Variants in SEMA3D observed in about 807,000 individuals in gnomAD.
SEMA3D encodes semaphorin-3D.
A neutral mutation model predicts 100.1 loss-of-function variants in SEMA3D; 84 were observed. The ratio of observed to expected loss-of-function variants is 0.84; its 90% CI spans 0.70 to 1.01. The LOEUF (loss-of-function observed/expected upper bound fraction) is 1.01. SEMA3D is among the 50% of genes least tolerant of loss of function. The pLI, the probability that SEMA3D is intolerant of heterozygous loss-of-function variation, is 0.00. For synonymous variants in SEMA3D, 312 were observed against 320.7 expected (o/e 0.97, Z 0.29); for missense variants, 875 against 934.1 (o/e 0.94, Z 0.82).
At chr7:85,097,376 T>C (rs865958045) in intron 4 of SEMA3D, among the ~76,000 whole-genome samples, 1 of 151,828 alleles carries the variant, frequency 6.6e-6, no homozygotes, top group Non-Finnish European at 1.5e-5. Context: ...TTTGTTATTA[T>C]AGCCACATTA....
At chr7:85,219,778 G>A in the SEMA3D span, among the ~76,000 whole-genome samples, 1 of 151,976 alleles carries the variant, frequency 6.6e-6, no homozygotes, top group Non-Finnish European at 1.5e-5. Context: ...TACACGCAAA[G>A]TATGTTATTT....
chr7:85,072,902 G>A, intron 6 of SEMA3D, 60 bp downstream of exon 6: 9 of 1,366,178 alleles, frequency 6.6e-6, no homozygotes, highest in Non-Finnish European at 9.1e-6. Flanking sequence ...TTATGTCATA[G>A]GAATTAAGTA....
chr7:85,250,022 G>T, the SEMA3D span, among the ~76,000 whole-genome samples: 2 of 152,092 alleles, frequency 1.3e-5, no homozygotes, highest in Non-Finnish European at 2.9e-5. Flanking sequence ...CACCGTGCAC[G>T]AGCCAAAGCA....
At chr7:85,198,921 T>A in the SEMA3D span, among the ~76,000 whole-genome samples, 1 of 151,674 alleles carries the variant, frequency 6.6e-6, no homozygotes, top group Admixed American at 6.6e-5. Flanking sequence ...TTTGTATTAC[T>A]AAAAATGTAA....
chr7:85,013,690 A>G (rs549458307), intron 16 of SEMA3D, among the ~76,000 whole-genome samples: 2 of 151,902 alleles, frequency 1.3e-5, no homozygotes, highest in South Asian at 4.1e-4. Flanking sequence ...GACAAGATTC[A>G]TCCATTATAC....
intron 1 of SEMA3D, chr7:85,163,221 G>A (rs1213194850): frequency 6.6e-6 from 1 of 152,258 alleles, no homozygotes; most frequent in Non-Finnish European, 1.5e-5. Context: ...ATTCTATCTT[G>A]ACAGCTTAGT....
At chr7:85,190,304 A>G (rs1055275963), upstream of SEMA3D, among the ~76,000 whole-genome samples, 1 of 152,158 alleles carries the variant, frequency 6.6e-6, no homozygotes, top group Non-Finnish European at 1.5e-5. Context: ...CTTCTCTAAA[A>G]CTAGTCATAC....
At chr7:85,139,759 GA>G (rs982087243) in intron 2 of SEMA3D, among the ~76,000 whole-genome samples, 1 of 151,910 alleles carries the variant, frequency 6.6e-6, no homozygotes, top group Non-Finnish European at 1.5e-5. Context: ...ATTGAAGTGA[GA>G]AAAAATAACC....
chr7:85,215,280 T>C, the SEMA3D span, among the ~76,000 whole-genome samples: 2 of 152,168 alleles, frequency 1.3e-5, no homozygotes, highest in South Asian at 2.1e-4. Flanking sequence ...ATTAGTTTCA[T>C]GTTGCATTCA....
chr7:85,057,138 T>C (rs559920546), intron 8 of SEMA3D, among the ~76,000 whole-genome samples: 1 of 152,194 alleles, frequency 6.6e-6, no homozygotes, highest in South Asian at 2.1e-4. Context: ...CCATAATATA[T>C]GTACAGTGTA....
At chr7:85,237,704 A>C in the SEMA3D span, among the ~76,000 whole-genome samples, 2 of 152,194 alleles carry the variant, frequency 1.3e-5, no homozygotes, top group South Asian at 4.1e-4. Context: ...TCTTGGTTGC[A>C]TCCAACTTTT....
chr7:85,224,259 T>C, the SEMA3D span, among the ~76,000 whole-genome samples: 1 of 152,164 alleles, frequency 6.6e-6, no homozygotes, highest in Non-Finnish European at 1.5e-5. Context: ...TGTTTGTATT[T>C]GTAGGTGAGA....
At chr7:85,153,024 G>A (rs913233621) in intron 2 of SEMA3D, among the ~76,000 whole-genome samples, 3 of 152,072 alleles carry the variant, frequency 2.0e-5, no homozygotes, top group East Asian at 1.9e-4. Context: ...ATGTTATAAT[G>A]TATATTCATC....
intron 1 of SEMA3D, among the ~76,000 whole-genome samples, chr7:85,173,521 T>C (rs908890515): frequency 1.3e-5 from 2 of 152,100 alleles, no homozygotes; most frequent in African/African-American, 4.8e-5. Context: ...AAGTATATAC[T>C]TGAAGTAGGC....
chr7:85,138,840 T>C (rs1472060044), intron 2 of SEMA3D, among the ~76,000 whole-genome samples: 1 of 151,036 alleles, frequency 6.6e-6, no homozygotes, highest in African/African-American at 2.4e-5. Context: ...GGCCCCGATG[T>C]GTGATATTCC....
Position 84,996,394 on chromosome 7 carries a change from A to G in SEMA3D, c.*3046T>C, listed in dbSNP as rs1789500962. The G allele has an allele frequency of 6.6e-6, 1 of 152,044 alleles. No individual in the cohort carries two copies. Among genetic ancestry groups the G allele is most frequent in the Admixed American group, 6.5e-5 (1 of 15,272 alleles). The allele number at this position is 152,044 out of a possible 1,614,324, so 9.4% of individuals were successfully genotyped here. On this transcript the variant is annotated 3_prime_UTR_variant, in exon 19 of 19. Coordinates refer to ENST00000284136, the MANE Select transcript of SEMA3D (RefSeq NM_001384900.1). ...AAAGAGCATTATTTTAGCCAACAGA[A>G]TGATGAGACTTTATGAATTTTAATT... is the stretch of plus-strand genomic sequence containing the variant.
chr7:85,171,943 C>T (rs930823050), intron 1 of SEMA3D, among the ~76,000 whole-genome samples: 9 of 150,890 alleles, frequency 6.0e-5, no homozygotes, highest in Non-Finnish European at 1.2e-4. Flanking sequence ...CATGCTAAAG[C>T]GGTGTGTGTG....
At chr7:85,214,698 G>A in the SEMA3D span, among the ~76,000 whole-genome samples, 9 of 152,056 alleles carry the variant, frequency 5.9e-5, no homozygotes, top group African/African-American at 2.2e-4. Flanking sequence ...GTTTCACCAT[G>A]TTGGTCAGGC....
rs6956209 is a variant in SEMA3D at position 85,034,664 on chromosome 7, T to C, written c.1191+2225A>G. On this transcript the variant is annotated intron_variant, in intron 12 of 18. Coordinates refer to ENST00000284136, the MANE Select transcript of SEMA3D (RefSeq NM_001384900.1). ...TTAAAAAATGGGCTAAGTACTTCAATAGACATTTCTCCAAAGAAGACATAC... is the reference window on the plus strand; with the variant it reads ...TTAAAAAATGGGCTAAGTACTTCAACAGACATTTCTCCAAAGAAGACATAC... Among the ~76,000 whole-genome samples the C allele has an allele frequency of 4.9e-3, 738 of 152,010 alleles. 7 individuals carry two copies. The highest frequency in any genetic ancestry group is 0.016 in the African/African-American group (684 of 41,506).
Sources: gnomAD v4.1 joint callset for allele counts (sites outside exome capture counted in the v4.1 genomes callset) on GRCh38, gnomAD v4.1.1 for gene constraint, MANE v1.5 for transcripts, NCBI Gene and HGNC (gene_info 2026-07-23, HGNC 2026-07-21) for gene names.